PPARGC1A: variants seen among roughly 807,000 people sequenced by gnomAD.
The protein encoded by PPARGC1A is PPARG coactivator 1 alpha.
A neutral mutation model predicts 88.7 loss-of-function variants in PPARGC1A; 25 were observed. That is an observed-to-expected ratio of 0.28 (90% CI 0.21 to 0.39). The LOEUF (loss-of-function observed/expected upper bound fraction) is 0.39, where lower values mean the gene tolerates loss of function less well. Ranked by LOEUF, PPARGC1A falls within the 10% of genes least tolerant of loss-of-function variation. The probability of loss-of-function intolerance (pLI) is 1.00; values close to 1 mark genes in which losing one functional copy is unlikely to be tolerated. For missense variants in PPARGC1A, 880 were observed against 968.7 expected (o/e 0.91, Z 1.22); for synonymous variants, 363 against 355.6 (o/e 1.02, Z -0.24).
At chr4:24,201,887 C>A in the PPARGC1A span, among the ~76,000 whole-genome samples, 5 of 151,340 alleles carry the variant, frequency 3.3e-5, no homozygotes, top group Admixed American at 3.3e-4. Flanking sequence ...GCAAAATATT[C>A]TTCAGTTTGG....
At chr4:23,801,445 A>C (rs1718721849) in intron 12 of PPARGC1A, among the ~76,000 whole-genome samples, 1 of 152,114 alleles carries the variant, frequency 6.6e-6, no homozygotes, top group Non-Finnish European at 1.5e-5. Flanking sequence ...CACATACAGA[A>C]ATCATGAACA....
At chr4:24,454,122 C>G in the PPARGC1A span, among the ~76,000 whole-genome samples, 8,440 of 151,408 alleles carry the variant, frequency 0.056, 558 homozygotes, top group African/African-American at 0.15. Context: ...CTGTGTTAGC[C>G]CCAATTCCCC....
chr4:24,465,665 T>C, the PPARGC1A span, among the ~76,000 whole-genome samples: 3 of 152,210 alleles, frequency 2.0e-5, no homozygotes, highest in African/African-American at 7.2e-5. Flanking sequence ...CCTTGCCCTC[T>C]TCATAGAGAC....
the PPARGC1A span, among the ~76,000 whole-genome samples, chr4:24,130,843 T>C: frequency 3.3e-5 from 5 of 152,156 alleles, no homozygotes; most frequent in South Asian, 1.0e-3. Context: ...TAGTACAGAG[T>C]ACCAGCCCCA....
chr4:24,229,106 G>C, the PPARGC1A span, among the ~76,000 whole-genome samples: 6 of 139,594 alleles, frequency 4.3e-5, no homozygotes, highest in East Asian at 6.9e-4. Flanking sequence ...CCCACTTCCA[G>C]AAATTCAGAT....
At chr4:23,828,931 G>T (rs1236514111) in intron 4 of PPARGC1A, among the ~76,000 whole-genome samples, 1 of 152,076 alleles carries the variant, frequency 6.6e-6, no homozygotes, top group Non-Finnish European at 1.5e-5. Context: ...GATTGCTGAC[G>T]CCCAGTACTC....
the PPARGC1A span, among the ~76,000 whole-genome samples, chr4:24,228,898 A>C: frequency 6.6e-6 from 1 of 152,138 alleles, no homozygotes; most frequent in Non-Finnish European, 1.5e-5. Flanking sequence ...AGTTATTGTC[A>C]GGGTTACTGG....
chr4:24,246,615 A>G, the PPARGC1A span, among the ~76,000 whole-genome samples: 6 of 152,262 alleles, frequency 3.9e-5, no homozygotes, highest in Non-Finnish European at 7.3e-5. Context: ...GACCCTGTCA[A>G]AAATAAATTA....
intron 1 of PPARGC1A, chr4:23,899,126 T>G (rs1244079977): frequency 6.6e-6 from 1 of 151,850 alleles, no homozygotes; most frequent in African/African-American, 2.4e-5. Flanking sequence ...GGATTACAGG[T>G]GTGAGCCACC....
At chr4:24,019,832 A>G in the PPARGC1A span, among the ~76,000 whole-genome samples, 6 of 152,216 alleles carry the variant, frequency 3.9e-5, no homozygotes, top group African/African-American at 1.4e-4. Flanking sequence ...CATCACCCAC[A>G]TAGGACTGCA....
the PPARGC1A span, among the ~76,000 whole-genome samples, chr4:24,017,062 C>T: frequency 4.6e-5 from 7 of 152,116 alleles, no homozygotes; most frequent in African/African-American, 9.7e-5. Flanking sequence ...GATCCCAAGG[C>T]GTGAGGGCAG....
At chr4:24,266,471 G>A in the PPARGC1A span, among the ~76,000 whole-genome samples, 1 of 152,120 alleles carries the variant, frequency 6.6e-6, no homozygotes, top group African/African-American at 2.4e-5. Context: ...GTGCCTCCAA[G>A]GTGCCTGGAA....
chr4:24,258,509 A>G, the PPARGC1A span, among the ~76,000 whole-genome samples: 1 of 152,194 alleles, frequency 6.6e-6, no homozygotes, highest in African/African-American at 2.4e-5. Context: ...AGAGTAAGAC[A>G]GTGATGAGTT....
chr4:24,018,973 A>G, the PPARGC1A span, among the ~76,000 whole-genome samples: 4 of 152,214 alleles, frequency 2.6e-5, no homozygotes, highest in African/African-American at 7.2e-5. Context: ...TTATTTTTCT[A>G]TGTGTGAGTA....
chr4:24,143,432 G>T, the PPARGC1A span, among the ~76,000 whole-genome samples: 1 of 152,146 alleles, frequency 6.6e-6, no homozygotes, highest in Non-Finnish European at 1.5e-5. Context: ...CAATGGTAAG[G>T]GAAGGTCTCC....
chr4:24,462,141 A>G, the PPARGC1A span, among the ~76,000 whole-genome samples: 1 of 152,080 alleles, frequency 6.6e-6, no homozygotes, highest in Non-Finnish European at 1.5e-5. Flanking sequence ...GCTGGAGTGC[A>G]GTGGCGGGAT....
the PPARGC1A span, among the ~76,000 whole-genome samples, chr4:23,974,825 T>TTTTTTTTTTTTTTTTTTTG: frequency 8.8e-6 from 1 of 114,200 alleles, no homozygotes; most frequent in Admixed American, 8.6e-5. Flanking sequence ...TTTTTTTTTT[T>TTTTTTTTTTTTTTTTTTTG]TTGGTATTTT....
chr4:23,878,246 C>T (rs1462071353), intron 2 of PPARGC1A, among the ~76,000 whole-genome samples: 2 of 151,918 alleles, frequency 1.3e-5, no homozygotes, highest in Non-Finnish European at 2.9e-5. Context: ...TTTCTCCTAT[C>T]CCAAAATACA....
chr4:24,387,826 G>GGA, the PPARGC1A span, among the ~76,000 whole-genome samples: 4 of 53,104 alleles, frequency 7.5e-5, no homozygotes, highest in African/African-American at 2.2e-4. Flanking sequence ...GAAAGAAAGA[G>GGA]AGAAAGAGAG....
Sources: allele counts gnomAD v4.1 joint callset (sites outside exome capture counted in the v4.1 genomes callset), GRCh38; gene constraint gnomAD v4.1.1; transcripts MANE v1.5; gene names NCBI Gene and HGNC (gene_info 2026-07-23, HGNC 2026-07-21).